The following CUL1 variants were observed in gnomAD, a reference collection of about 807,000 sequenced individuals.
CUL1 encodes cullin 1, also known as cullin-1.
A neutral mutation model predicts 118.0 loss-of-function variants in CUL1; 24 were observed. The observed-to-expected ratio is 0.20, with a 90% CI of 0.15 to 0.29. The LOEUF is 0.29. CUL1 is among the 10% of genes least tolerant of loss of function. The probability of loss-of-function intolerance (pLI) is 1.00; values close to 1 mark genes in which losing one functional copy is unlikely to be tolerated. For synonymous variants in CUL1, 332 were observed against 340.4 expected (o/e 0.98, Z 0.27); for missense variants, 361 against 933.8 (o/e 0.39, Z 7.99).
chr7:148,784,683 T>G (rs1343829789), intron 11 of CUL1, among the ~76,000 whole-genome samples: 6 of 152,216 alleles, frequency 3.9e-5, no homozygotes, highest in Admixed American at 1.3e-4. Flanking sequence ...ACAATAAGTT[T>G]TAAAGATTTT....
intron 9 of CUL1, among the ~76,000 whole-genome samples, chr7:148,768,853 A>G (rs1237458365): frequency 6.6e-6 from 1 of 151,722 alleles, no homozygotes; most frequent in Admixed American, 6.6e-5. Context: ...TCCGTGTTTA[A>G]TTTTGGGAGT....
At chr7:148,699,272 G>A (rs1797630629) in intron 1 of CUL1, among the ~76,000 whole-genome samples, 1 of 151,850 alleles carries the variant, frequency 6.6e-6, no homozygotes, top group Non-Finnish European at 1.5e-5. Context: ...ACCCCGGACG[G>A]GCCGGGGCGG....
At chr7:148,777,718 G>C (rs539032943) in intron 9 of CUL1, among the ~76,000 whole-genome samples, 9 of 152,064 alleles carry the variant, frequency 5.9e-5, no homozygotes, top group Non-Finnish European at 1.2e-4. Context: ...TAGAGGCTTT[G>C]GGGGAGGAGC....
At chr7:148,779,158 T>C (rs975355541) in intron 9 of CUL1, among the ~76,000 whole-genome samples, 1 of 152,246 alleles carries the variant, frequency 6.6e-6, no homozygotes, top group African/African-American at 2.4e-5. Flanking sequence ...AAATTGGCCT[T>C]TAGAATTATC....
chr7:148,721,742 A>C (rs1798403133), intron 1 of CUL1, among the ~76,000 whole-genome samples: 1 of 151,364 alleles, frequency 6.6e-6, no homozygotes, highest in Admixed American at 6.6e-5. Flanking sequence ...TTCACTCAAG[A>C]CTCCAGGAAT....
chr7:148,749,214 C>T (rs1260190217), intron 2 of CUL1, among the ~76,000 whole-genome samples: 6 of 151,882 alleles, frequency 4.0e-5, no homozygotes, highest in South Asian at 2.1e-4. Context: ...GTCAGGAGTT[C>T]GAGACCAGCC....
At chr7:148,724,373 A>G (rs1798491518) in intron 1 of CUL1, among the ~76,000 whole-genome samples, 1 of 152,160 alleles carries the variant, frequency 6.6e-6, no homozygotes, top group African/African-American at 2.4e-5. Context: ...AGACCTGTTT[A>G]TTTTGACTGT....
At chr7:148,779,983 C>T (rs1255834109) in intron 9 of CUL1, among the ~76,000 whole-genome samples, 1 of 152,216 alleles carries the variant, frequency 6.6e-6, no homozygotes, top group Non-Finnish European at 1.5e-5. Context: ...CTGGATGCTT[C>T]CTGCCCTCGA....
chr7:148,784,396 G>A (rs10241408), intron 11 of CUL1, among the ~76,000 whole-genome samples: 102,087 of 152,056 alleles, frequency 0.67, 34,920 homozygotes, highest in African/African-American at 0.81. Context: ...GCCGTAGATT[G>A]CCTTTGTTAT....
At chr7:148,724,469 T>C (rs1798495943) in intron 1 of CUL1, among the ~76,000 whole-genome samples, 2 of 152,168 alleles carry the variant, frequency 1.3e-5, no homozygotes, top group Non-Finnish European at 2.9e-5. Flanking sequence ...GTGTCTGTGG[T>C]AAAAACTCAT....
chr7:148,770,042 C>G (rs1374127140), intron 9 of CUL1, among the ~76,000 whole-genome samples: 1 of 152,146 alleles, frequency 6.6e-6, no homozygotes, highest in Non-Finnish European at 1.5e-5. Context: ...AATCAGCTGC[C>G]TGATATTTTA....
intron 2 of CUL1, among the ~76,000 whole-genome samples, chr7:148,734,287 A>G (rs1244466586): frequency 3.3e-5 from 5 of 152,180 alleles, no homozygotes; most frequent in South Asian, 2.1e-4. Context: ...CACTCTGTCA[A>G]CCCAGGCTGG....
At chr7:148,791,872 C>T (rs1019218) in intron 16 of CUL1, among the ~76,000 whole-genome samples, 101,921 of 152,212 alleles carry the variant, frequency 0.67, 34,741 homozygotes, top group African/African-American at 0.8. Context: ...AATCAGGAAC[C>T]AACACGTGCT....
chr7:148,758,412 C>T (rs913134796), intron 4 of CUL1, among the ~76,000 whole-genome samples: 8 of 152,098 alleles, frequency 5.3e-5, no homozygotes, highest in Non-Finnish European at 8.8e-5. Context: ...AATCCTAGCA[C>T]TTTGGGAGAC....
At chr7:148,726,386 T>G (rs1798583306) in intron 1 of CUL1, among the ~76,000 whole-genome samples, 1 of 150,800 alleles carries the variant, frequency 6.6e-6, no homozygotes, top group Non-Finnish European at 1.5e-5. Context: ...AAAGTCAAGC[T>G]TTAAAAAAAA....
intron 1 of CUL1, among the ~76,000 whole-genome samples, chr7:148,729,044 G>A (rs758477857): frequency 2.9e-4 from 44 of 152,142 alleles, no homozygotes; most frequent in Non-Finnish European, 2.9e-4. Context: ...TTGATGTGAC[G>A]TACATAGGTA....
intron 1 of CUL1, among the ~76,000 whole-genome samples, chr7:148,720,174 G>A (rs745722117): frequency 3.3e-5 from 5 of 150,870 alleles, no homozygotes; most frequent in East Asian, 1.9e-4. Context: ...TAAATAAAAC[G>A]CAGCGTATAG....
intron 9 of CUL1, among the ~76,000 whole-genome samples, chr7:148,768,542 TC>T (rs932234715): frequency 2.0e-5 from 3 of 151,782 alleles, no homozygotes; most frequent in Admixed American, 6.6e-5. Flanking sequence ...TCGCCACCAT[TC>T]CCGGCTAATT....
At chr7:148,766,428 A>T in intron 7 of CUL1, 133 bp from the exon 8 acceptor site, 1 of 763,514 alleles carries the variant, frequency 1.3e-6, no homozygotes, top group Non-Finnish European at 2.0e-6. Flanking sequence ...TTATTTTCTT[A>T]ATCGCATTTT....
Sources: allele counts gnomAD v4.1 joint callset (sites outside exome capture counted in the v4.1 genomes callset), GRCh38; gene constraint gnomAD v4.1.1; transcripts MANE v1.5; gene names NCBI Gene and HGNC (gene_info 2026-07-23, HGNC 2026-07-21).